GPD1L: variants seen among roughly 807,000 people sequenced by gnomAD.
The protein encoded by GPD1L is glycerol-3-phosphate dehydrogenase 1-like protein.
In GPD1L, 17 loss-of-function variants were observed where a neutral mutation model predicts 32.9. The observed-to-expected ratio is 0.52, with a 90% CI of 0.35 to 0.78. The LOEUF is 0.78. Among genes scored for constraint, GPD1L ranks in the 30% least tolerant of loss-of-function variants. GPD1L has a pLI of 0.01. For synonymous variants in GPD1L, 187 were observed against 165.9 expected (o/e 1.13, Z -0.98); for missense variants, 361 against 447.8 (o/e 0.81, Z 1.75).
intron 2 of GPD1L, among the ~76,000 whole-genome samples, chr3:32,132,729 G>T (rs1700604012): frequency 6.6e-6 from 1 of 152,170 alleles, no homozygotes; most frequent in African/African-American, 2.4e-5. Flanking sequence ...TTTCTCACAA[G>T]TTCCCAGGTA....
At chr3:32,150,752 T>G (rs926103998) in intron 5 of GPD1L, among the ~76,000 whole-genome samples, 1 of 152,192 alleles carries the variant, frequency 6.6e-6, no homozygotes. Context: ...TGTAATTGGC[T>G]ACTATGGAGA....
At chr3:32,108,873 G>A (rs562530214) in intron 1 of GPD1L, among the ~76,000 whole-genome samples, 3 of 151,868 alleles carry the variant, frequency 2.0e-5, no homozygotes, top group Non-Finnish European at 2.9e-5. Flanking sequence ...TTTTTTAGAC[G>A]GAGTCTCCCT....
chr3:32,117,872 T>G (rs914959651), intron 1 of GPD1L, among the ~76,000 whole-genome samples: 1 of 152,212 alleles, frequency 6.6e-6, no homozygotes, highest in African/African-American at 2.4e-5. Flanking sequence ...TTGATTCCGA[T>G]CTGAATTAAT....
At chr3:32,152,249 GTTTC>G (rs1303851316) in intron 5 of GPD1L, among the ~76,000 whole-genome samples, 6 of 152,126 alleles carry the variant, frequency 3.9e-5, no homozygotes, top group Admixed American at 2.0e-4. Context: ...CAAGGTAGAC[GTTTC>G]TTTCTTTCTT....
intron 2 of GPD1L, 125 bp downstream of exon 2, chr3:32,128,378 G>T: frequency 2.4e-6 from 2 of 823,712 alleles, no homozygotes; most frequent in Non-Finnish European, 4.2e-6. Flanking sequence ...CTACCAATTG[G>T]TTGGTTGGTT....
At chr3:32,163,840 C>G (rs7615104) in intron 7 of GPD1L, among the ~76,000 whole-genome samples, 60,347 of 152,080 alleles carry the variant, frequency 0.4, 13,108 homozygotes, top group East Asian at 0.6. Flanking sequence ...AGCTGCAAGA[C>G]CAACACACAG....
chr3:32,147,622 G>T (rs926183402), intron 5 of GPD1L, among the ~76,000 whole-genome samples: 1 of 152,128 alleles, frequency 6.6e-6, no homozygotes, highest in African/African-American at 2.4e-5. Context: ...AAAGAGTGGG[G>T]GGAATAGGGG....
chr3:32,127,439 G>A (rs939873356), intron 1 of GPD1L, among the ~76,000 whole-genome samples: 3 of 152,216 alleles, frequency 2.0e-5, no homozygotes, highest in Non-Finnish European at 4.4e-5. Flanking sequence ...GCTGTCGGGA[G>A]GACAGATGTT....
At chr3:32,165,541 A>G (rs911684947) in intron 7 of GPD1L, among the ~76,000 whole-genome samples, 2 of 152,226 alleles carry the variant, frequency 1.3e-5, no homozygotes, top group Admixed American at 6.5e-5. Context: ...GTAAATGACA[A>G]CAGTTTGCCC....
chr3:32,119,821 G>A (rs542843363), intron 1 of GPD1L, among the ~76,000 whole-genome samples: 2 of 152,266 alleles, frequency 1.3e-5, no homozygotes, highest in South Asian at 4.1e-4. Flanking sequence ...GGAAGAGATG[G>A]GGGCATGGAA....
intron 1 of GPD1L, among the ~76,000 whole-genome samples, chr3:32,113,205 C>A (rs1010084325): frequency 3.9e-5 from 6 of 151,982 alleles, no homozygotes; most frequent in Non-Finnish European, 8.8e-5. Context: ...ATTTTCAAGG[C>A]AATTGATCTT....
chr3:32,118,722 T>C (rs1294601479), intron 1 of GPD1L, among the ~76,000 whole-genome samples: 1 of 152,246 alleles, frequency 6.6e-6, no homozygotes, highest in Non-Finnish European at 1.5e-5. Flanking sequence ...TCCAGAATTC[T>C]TTTCATCTTG....
chr3:32,109,410 C>T (rs1351700874), intron 1 of GPD1L, among the ~76,000 whole-genome samples: 4 of 152,188 alleles, frequency 2.6e-5, no homozygotes, highest in Admixed American at 1.3e-4. Context: ...GCTGCCTGCC[C>T]GTGGCTTCTT....
chr3:32,140,326 C>G lies in GPD1L; in HGVS notation c.465C>G (p.Ala155=). ...GTGTGCTGATGGGAGCCAACATTGC[C>G]AATGAGGTGGCTGCAGAGAAGTTCT... ...DISVLMGANI[A]NEVAAEKFCE... The change falls in exon 4 of 8, where the codon GCC becomes GCG. Residue 155 remains alanine (A), a synonymous_variant. Coordinates refer to ENST00000282541, the MANE Select transcript of GPD1L (RefSeq NM_015141.4). The G allele has an allele frequency of 6.2e-7, 1 of 1,614,138 alleles. No individual in the cohort carries two copies. Among genetic ancestry groups the G allele is most frequent in the Non-Finnish European group, 8.5e-7 (1 of 1,180,002 alleles).
In GPD1L at chr3:32,115,811, C is replaced by T. The variant is rs574361975; in HGVS notation, c.47+9053C>T. Among the ~76,000 whole-genome samples, 219 of 56,608 alleles carry T rather than the reference C, an allele frequency of 3.9e-3. 12 individuals are homozygous for T. Among genetic ancestry groups the T allele is most frequent in the Middle Eastern group, 0.019 (1 of 54 alleles). The allele number at this position is 56,608 out of a possible 152,430, so 37.1% of individuals were successfully genotyped here. A position where few individuals can be genotyped will look rare whatever the true frequency, so the allele number is the denominator to read the frequency against. On this transcript the variant is annotated intron_variant, in intron 1 of 7. Coordinates refer to ENST00000282541, the MANE Select transcript of GPD1L (RefSeq NM_015141.4). ...TTTTTTTTTTTTTTTTTTTTTGAGACGGAGTCTCGCTCTGTTGCACAGGTT... is the reference window on the plus strand; with the variant it reads ...TTTTTTTTTTTTTTTTTTTTTGAGATGGAGTCTCGCTCTGTTGCACAGGTT...
chr3:32,117,333 T>C (rs1437809562), intron 1 of GPD1L, among the ~76,000 whole-genome samples: 1 of 152,246 alleles, frequency 6.6e-6, no homozygotes, highest in African/African-American at 2.4e-5. Context: ...TGATTTCTTA[T>C]TTCATTTTTC....
intron 6 of GPD1L, among the ~76,000 whole-genome samples, 171 bp from the exon 7 acceptor site, chr3:32,159,397 A>G (rs1701044358): frequency 6.6e-6 from 1 of 151,766 alleles, no homozygotes; most frequent in Non-Finnish European, 1.5e-5. Context: ...TTGGGAGGCC[A>G]AGGTGGGAGG....
chr3:32,133,252 A>T (rs1039176781), intron 2 of GPD1L, among the ~76,000 whole-genome samples: 1 of 152,182 alleles, frequency 6.6e-6, no homozygotes, highest in Non-Finnish European at 1.5e-5. Flanking sequence ...ATTCATACAG[A>T]CTTGAAGTAG....
intron 2 of GPD1L, among the ~76,000 whole-genome samples, chr3:32,134,502 C>T (rs532099770): frequency 2.0e-5 from 3 of 152,160 alleles, no homozygotes; most frequent in Non-Finnish European, 4.4e-5. Context: ...TGTTTGTTTG[C>T]TTGTGACAGG....
Sources: gnomAD v4.1 joint callset for allele counts (sites outside exome capture counted in the v4.1 genomes callset) on GRCh38, gnomAD v4.1.1 for gene constraint, MANE v1.5 for transcripts, NCBI Gene and HGNC (gene_info 2026-07-23, HGNC 2026-07-21) for gene names.